The following ROBO2 variants were observed in gnomAD, a reference collection of about 807,000 sequenced individuals.
The protein encoded by ROBO2 is roundabout homolog 2.
In ROBO2, 53 loss-of-function variants were observed where a neutral mutation model predicts 160.8. That is an observed-to-expected ratio of 0.33 (90% CI 0.26 to 0.41). The LOEUF (loss-of-function observed/expected upper bound fraction) is 0.41. ROBO2 is among the 10% of genes least tolerant of loss of function. ROBO2 has a pLI of 1.00. For missense variants in ROBO2, 1,577 were observed against 1,722.4 expected, an observed-to-expected ratio of 0.92 and a Z score of 1.49; for synonymous variants, 664 against 611.7, an observed-to-expected ratio of 1.09 and a Z score of -1.26.
intron 2 of ROBO2, among the ~76,000 whole-genome samples, chr3:76,529,528 G>C (rs2082115068): frequency 6.6e-6 from 1 of 152,106 alleles, no homozygotes; most frequent in South Asian, 2.1e-4. Context: ...CTGCACTGTG[G>C]CATATTGTGA....
chr3:76,297,594 C>T (rs781243325), intron 2 of ROBO2, among the ~76,000 whole-genome samples: 6 of 150,278 alleles, frequency 4.0e-5, no homozygotes, highest in East Asian at 1.9e-4. Flanking sequence ...TTTAAAATGG[C>T]GCCTAATTAT....
At chr3:76,873,582 CGTCGTCGTT>C (rs2072362026) in intron 2 of ROBO2, among the ~76,000 whole-genome samples, 1 of 152,022 alleles carries the variant, frequency 6.6e-6, no homozygotes, top group Non-Finnish European at 1.5e-5. Context: ...TAGTCGTCGT[CGTCGTCGTT>C]GTCGTCGTCG....
chr3:76,491,431 G>C (rs2079820222), intron 2 of ROBO2, among the ~76,000 whole-genome samples: 1 of 152,104 alleles, frequency 6.6e-6, no homozygotes, highest in South Asian at 2.1e-4. Context: ...TAGAATGAGA[G>C]AGACTGAGTT....
chr3:76,379,136 C>T (rs773360752), intron 2 of ROBO2, among the ~76,000 whole-genome samples: 9 of 152,034 alleles, frequency 5.9e-5, no homozygotes, highest in Non-Finnish European at 1.2e-4. Flanking sequence ...TTTAGTAATA[C>T]ATCAAAGAGA....
chr3:77,553,192 G>A (rs1313392903), intron 8 of ROBO2, among the ~76,000 whole-genome samples: 4 of 151,864 alleles, frequency 2.6e-5, no homozygotes, highest in Non-Finnish European at 5.9e-5. Flanking sequence ...TATTCCATCT[G>A]TTATGGTGGT....
intron 2 of ROBO2, among the ~76,000 whole-genome samples, chr3:77,392,374 G>A (rs1016799336): frequency 3.3e-5 from 5 of 152,170 alleles, no homozygotes; most frequent in Non-Finnish European, 5.9e-5. Flanking sequence ...AAGCTGCAAC[G>A]GCAACCCTGC....
intron 2 of ROBO2, among the ~76,000 whole-genome samples, chr3:77,000,777 A>C (rs890954795): frequency 1.3e-5 from 2 of 152,228 alleles, no homozygotes; most frequent in African/African-American, 4.8e-5. Flanking sequence ...GTAGAAATGC[A>C]TATATAAACT....
chr3:76,076,604 T>C (rs2068653391), intron 2 of ROBO2, among the ~76,000 whole-genome samples: 1 of 152,220 alleles, frequency 6.6e-6, no homozygotes, highest in Admixed American at 6.5e-5. Context: ...AATTTTATTA[T>C]AGAAATTGCA....
At chr3:76,724,370 T>C (rs185557220) in intron 2 of ROBO2, among the ~76,000 whole-genome samples, 7 of 152,274 alleles carry the variant, frequency 4.6e-5, no homozygotes, top group African/African-American at 1.7e-4. Context: ...CCAACTACCA[T>C]CTTGACTGCT....
intron 2 of ROBO2, among the ~76,000 whole-genome samples, chr3:76,295,723 T>C (rs2107719394): frequency 6.6e-6 from 1 of 152,322 alleles, no homozygotes; most frequent in Non-Finnish European, 1.5e-5. Context: ...GACTTCTATT[T>C]GGATTCTAAA....
At chr3:76,929,781 C>T (rs1403704255) in intron 2 of ROBO2, among the ~76,000 whole-genome samples, 1 of 152,012 alleles carries the variant, frequency 6.6e-6, no homozygotes, top group East Asian at 1.9e-4. Context: ...GAAGAGACTC[C>T]ACTGTGTGTG....
At chr3:75,969,543 G>A (rs1276142360) in intron 2 of ROBO2, among the ~76,000 whole-genome samples, 1 of 151,564 alleles carries the variant, frequency 6.6e-6, no homozygotes, top group Non-Finnish European at 1.5e-5. Flanking sequence ...CAGTGAACAT[G>A]AGTTTCCTTT....
intron 2 of ROBO2, among the ~76,000 whole-genome samples, chr3:76,964,057 G>A (rs1159546389): frequency 6.6e-6 from 1 of 152,042 alleles, no homozygotes; most frequent in East Asian, 1.9e-4. Context: ...GTGATTTAAA[G>A]CTCAACTTTA....
intron 2 of ROBO2, among the ~76,000 whole-genome samples, chr3:77,434,424 G>GCTGTATAGTT (rs1292112350): frequency 1.3e-5 from 2 of 152,122 alleles, no homozygotes; most frequent in Non-Finnish European, 2.9e-5. Flanking sequence ...AAAGACAAGA[G>GCTGTATAGTT]CTGTATAGTT....
intron 2 of ROBO2, among the ~76,000 whole-genome samples, chr3:76,845,428 A>G (rs1277777653): frequency 6.6e-6 from 1 of 152,012 alleles, no homozygotes; most frequent in Non-Finnish European, 1.5e-5. Flanking sequence ...TTTTATATAA[A>G]CAATCCCAAT....
At chr3:76,208,316 G>C (rs1559641732) in intron 2 of ROBO2, among the ~76,000 whole-genome samples, 1 of 152,132 alleles carries the variant, frequency 6.6e-6, no homozygotes, top group Non-Finnish European at 1.5e-5. Context: ...TGCCCTGTTT[G>C]CCTTATGTTG....
intron 16 of ROBO2, among the ~76,000 whole-genome samples, chr3:77,587,353 G>A (rs1315504033): frequency 2.0e-5 from 3 of 152,052 alleles, no homozygotes; most frequent in Non-Finnish European, 4.4e-5. Context: ...AAGATGCTAG[G>A]AAGTGTAGGC....
intron 2 of ROBO2, among the ~76,000 whole-genome samples, chr3:77,196,939 TA>T (rs1427592388): frequency 6.7e-6 from 1 of 148,432 alleles, no homozygotes; most frequent in African/African-American, 2.5e-5. Flanking sequence ...TTGGCTTAAT[TA>T]AAAAAAAGGA....
upstream of ROBO2, among the ~76,000 whole-genome samples, chr3:77,038,070 A>G (rs940685939): frequency 6.6e-6 from 1 of 152,188 alleles, no homozygotes; most frequent in African/African-American, 2.4e-5. Flanking sequence ...CCTTTTCCAG[A>G]GATAAAAGAG....
Sources: allele counts gnomAD v4.1 joint callset (sites outside exome capture counted in the v4.1 genomes callset), GRCh38; gene constraint gnomAD v4.1.1; transcripts MANE v1.5; gene names NCBI Gene and HGNC (gene_info 2026-07-23, HGNC 2026-07-21).